SYNPO2: variants seen among roughly 807,000 people sequenced by gnomAD.
SYNPO2 encodes the protein synaptopodin 2, also known as synaptopodin-2.
In SYNPO2, 56 loss-of-function variants were observed where a neutral mutation model predicts 85.0. That is an observed-to-expected ratio of 0.66 (90% CI 0.53 to 0.82). The LOEUF (loss-of-function observed/expected upper bound fraction) is 0.82. Among genes scored for constraint, SYNPO2 ranks in the 40% least tolerant of loss-of-function variants. The pLI is 0.00. For missense variants in SYNPO2, 1,575 were observed against 1,534.2 expected (o/e 1.03, Z -0.44); for synonymous variants, 602 against 591.1 (o/e 1.02, Z -0.27).
At chr4:118,953,369 T>C (rs976091364) in intron 1 of SYNPO2, among the ~76,000 whole-genome samples, 2 of 152,204 alleles carry the variant, frequency 1.3e-5, no homozygotes, top group African/African-American at 4.8e-5. Context: ...TTGTTGAAGT[T>C]TGTGTCAGAT....
intron 1 of SYNPO2, among the ~76,000 whole-genome samples, chr4:118,995,959 C>T (rs1341938372): frequency 6.6e-6 from 1 of 152,050 alleles, no homozygotes; most frequent in Non-Finnish European, 1.5e-5. Context: ...TCTTTGCCCA[C>T]ATTGATGCTA....
At chr4:118,956,313 C>T (rs1279390198) in intron 1 of SYNPO2, among the ~76,000 whole-genome samples, 1 of 152,012 alleles carries the variant, frequency 6.6e-6, no homozygotes, top group Non-Finnish European at 1.5e-5. Context: ...TGTGGGGAAC[C>T]AGGATAGCAT....
intron 1 of SYNPO2, among the ~76,000 whole-genome samples, chr4:118,949,990 C>T (rs938268668): frequency 1.3e-5 from 2 of 152,030 alleles, no homozygotes; most frequent in Admixed American, 6.5e-5. Flanking sequence ...GCTATGAGGC[C>T]ACTAGGTAGC....
rs568850976 is a variant in SYNPO2, at chr4:118,994,899, C to T, written c.106-28531C>T. Among the ~76,000 whole-genome samples the T allele has an allele frequency of 2.0e-5, 3 of 152,294 alleles. No individual in the cohort carries two copies. The East Asian group carries it at 5.8e-4, about 29-fold the overall frequency. Reference sequence around the variant, plus strand: ...TTATCTGAATAGGAGATAAGATGTACTTAGACCCTTTGATTAAATTTTCTT... The same window carrying T: ...TTATCTGAATAGGAGATAAGATGTATTTAGACCCTTTGATTAAATTTTCTT... On this transcript the variant is annotated intron_variant, in intron 1 of 4. Coordinates refer to ENST00000307142, the MANE Select transcript of SYNPO2 (RefSeq NM_133477.3).
Position 119,059,082 on chromosome 4 carries a change from G to A in SYNPO2, c.*1148G>A, listed in dbSNP as rs942582276. 2.6e-5 allele frequency: 4 copies of A among 152,114 alleles called. No homozygotes were observed. Among genetic ancestry groups the A allele is most frequent in the Admixed American group, 1.3e-4 (2 of 15,272 alleles). The allele number at this position is 152,114 out of a possible 1,614,324, so 9.4% of individuals were successfully genotyped here. A position where few individuals can be genotyped will look rare whatever the true frequency, so the allele number is the denominator to read the frequency against. On this transcript the variant is annotated 3_prime_UTR_variant, in exon 5 of 5. Coordinates refer to ENST00000307142, the MANE Select transcript of SYNPO2 (RefSeq NM_133477.3). Reference sequence around the variant, plus strand: ...TTTGTAGAATGCCCGCTGATGCATTGTTTATTTTTTTTGCTCATAATATAA... The same window carrying A: ...TTTGTAGAATGCCCGCTGATGCATTATTTATTTTTTTTGCTCATAATATAA...
At chr4:118,888,800 T>C (rs1732259870), upstream of SYNPO2, 4 of 541,060 alleles carry the variant, frequency 7.4e-6, no homozygotes, top group Non-Finnish European at 1.3e-5. Context: ...AAGAGTGGGC[T>C]GTGTCCTGGA....
chr4:118,852,261 A>C (rs984243116), intron 1 of SYNPO2, among the ~76,000 whole-genome samples: 5 of 152,198 alleles, frequency 3.3e-5, no homozygotes, highest in Non-Finnish European at 7.3e-5. Context: ...ACGTTTATAC[A>C]TTGTCTGTGG....
intron 1 of SYNPO2, among the ~76,000 whole-genome samples, chr4:118,870,283 T>C (rs960680336): frequency 3.3e-5 from 5 of 152,240 alleles, no homozygotes; most frequent in Admixed American, 6.5e-5. Flanking sequence ...TAGCTTGGGA[T>C]CCTTCCCCCT....
chr4:119,055,512 G>T (rs1739182550), intron 4 of SYNPO2, among the ~76,000 whole-genome samples: 1 of 152,182 alleles, frequency 6.6e-6, no homozygotes, highest in Admixed American at 6.5e-5. Context: ...ACTAGTACTG[G>T]ATTGTGTGCT....
chr4:119,000,874 C>G (rs146195639), intron 1 of SYNPO2, among the ~76,000 whole-genome samples: 1 of 152,042 alleles, frequency 6.6e-6, no homozygotes, highest in South Asian at 2.1e-4. Flanking sequence ...TTTTCTCTCT[C>G]GCAACATCTG....
In SYNPO2 at chr4:119,004,376, C is replaced by G. The variant is rs1256144097; in HGVS notation, c.106-19054C>G. On this transcript the variant is annotated intron_variant, in intron 1 of 4. Transcript: ENST00000307142. ...TATCTCCTAATGCTATCCCTACCCC[C>G]TACCCCCACCCCACAACAGTCCCCG... Among the ~76,000 whole-genome samples the G allele has an allele frequency of 2.0e-5, 3 of 146,432 alleles. 1 individual carries two copies. In the South Asian group the frequency reaches 7.1e-4, roughly 34 times the overall value.
intron 4 of SYNPO2, among the ~76,000 whole-genome samples, chr4:119,041,462 A>T (rs1328018170): frequency 6.6e-6 from 1 of 151,970 alleles, no homozygotes; most frequent in African/African-American, 2.4e-5. Context: ...CCACAATTAG[A>T]TCTTTGGTTT....
intron 1 of SYNPO2, among the ~76,000 whole-genome samples, chr4:118,903,530 T>C (rs940778489): frequency 2.6e-5 from 4 of 152,220 alleles, no homozygotes; most frequent in South Asian, 2.1e-4. Flanking sequence ...CAACTTGCGA[T>C]GATGCTTTTA....
chr4:118,977,410 C>G (rs1050912922), intron 1 of SYNPO2, among the ~76,000 whole-genome samples: 22 of 152,354 alleles, frequency 1.4e-4, no homozygotes, highest in African/African-American at 3.6e-4. Flanking sequence ...CACGCAGCCC[C>G]GGTTCCCGCT....
intron 1 of SYNPO2, among the ~76,000 whole-genome samples, chr4:118,976,047 C>A (rs1260279028): frequency 1.3e-5 from 2 of 152,192 alleles, no homozygotes; most frequent in African/African-American, 4.8e-5. Context: ...CTTTCTTGCC[C>A]AATAACTGGA....
chr4:118,983,800 A>G (rs1204759712), intron 1 of SYNPO2, among the ~76,000 whole-genome samples: 1 of 145,366 alleles, frequency 6.9e-6, no homozygotes, highest in East Asian at 2.0e-4. Flanking sequence ...CCCTTCCAAC[A>G]GGATATTTGT....
intron 1 of SYNPO2, among the ~76,000 whole-genome samples, chr4:118,897,067 A>G (rs1560836616): frequency 6.6e-6 from 1 of 152,180 alleles, no homozygotes; most frequent in Non-Finnish European, 1.5e-5. Context: ...TGGGTAATTT[A>G]TAAAGGAAAG....
At chr4:118,972,851 C>T (rs1055045226) in intron 1 of SYNPO2, among the ~76,000 whole-genome samples, 5 of 152,212 alleles carry the variant, frequency 3.3e-5, no homozygotes, top group Non-Finnish European at 7.3e-5. Flanking sequence ...CAGTGTCTTT[C>T]ATTTGAAAAT....
At chr4:118,923,969 C>A (rs1733628969) in intron 1 of SYNPO2, among the ~76,000 whole-genome samples, 1 of 150,606 alleles carries the variant, frequency 6.6e-6, no homozygotes, top group South Asian at 2.1e-4. Flanking sequence ...TTCTAAGTTT[C>A]AATTAATGAT....
Sources: gnomAD v4.1 joint callset for allele counts (sites outside exome capture counted in the v4.1 genomes callset) on GRCh38, gnomAD v4.1.1 for gene constraint, MANE v1.5 for transcripts, NCBI Gene and HGNC (gene_info 2026-07-23, HGNC 2026-07-21) for gene names.